Variants in SND1 observed in about 807,000 individuals in gnomAD.
SND1 encodes the protein staphylococcal nuclease domain-containing protein 1.
Under a neutral mutation model 121.7 loss-of-function variants are expected in SND1, and 38 were observed. The ratio of observed to expected loss-of-function variants is 0.31; its 90% CI spans 0.24 to 0.41. The LOEUF (loss-of-function observed/expected upper bound fraction) is 0.41. SND1 is among the 10% of genes least tolerant of loss of function. SND1 has a pLI of 1.00. For missense variants in SND1, 868 were observed against 1,184.6 expected, an observed-to-expected ratio of 0.73 and a Z score of 3.92; for synonymous variants, 401 against 447.4, an observed-to-expected ratio of 0.90 and a Z score of 1.31.
At chr7:128,068,604 G>A (rs1352980080) in intron 16 of SND1, among the ~76,000 whole-genome samples, 1 of 152,218 alleles carries the variant, frequency 6.6e-6, no homozygotes, top group Non-Finnish European at 1.5e-5. Flanking sequence ...CACTGAGACT[G>A]CTCAGAAAGG....
intron 16 of SND1, among the ~76,000 whole-genome samples, chr7:128,020,470 C>A (rs919999600): frequency 1.9e-4 from 29 of 152,300 alleles, no homozygotes; most frequent in Non-Finnish European, 4.4e-5. Context: ...CTATGTGACA[C>A]CTGGGCAAGG....
rs771650470 is a variant in SND1 at position 128,029,575 on chromosome 7, T to C, written c.1779+38519T>C. ...ATGTTGAGGTCTCGAGGTGCGTCCATGATGAAGGGGGCAGAGCACTGGAAG... is the reference window on the plus strand; with the variant it reads ...ATGTTGAGGTCTCGAGGTGCGTCCACGATGAAGGGGGCAGAGCACTGGAAG... On this transcript the variant is annotated intron_variant, in intron 16 of 23. Coordinates refer to ENST00000354725, the MANE Select transcript of SND1 (RefSeq NM_014390.4). This position sits in a 1 kb window ranked among gnomAD's most constrained non-coding sequence, Gnocchi z 4.2. The C allele has an allele frequency of 1.9e-6, 3 of 1,613,858 alleles. No individual in the cohort carries two copies. Among genetic ancestry groups the C allele is most frequent in the Non-Finnish European group, 1.7e-6 (2 of 1,179,982 alleles).
chr7:127,998,957 C>A (rs955832510), intron 16 of SND1: 3 of 152,262 alleles, frequency 2.0e-5, no homozygotes, highest in African/African-American at 7.2e-5. Context: ...TTGACTGTTT[C>A]CCTATTCCTC....
intron 16 of SND1, among the ~76,000 whole-genome samples, chr7:128,003,721 T>G (rs1802892001): frequency 6.6e-6 from 1 of 152,242 alleles, no homozygotes; most frequent in African/African-American, 2.4e-5. Context: ...GATATGGATT[T>G]TTGGCCTGGC....
At chr7:127,890,747 TAA>T (rs1799996375) in intron 13 of SND1, among the ~76,000 whole-genome samples, 1 of 152,182 alleles carries the variant, frequency 6.6e-6, no homozygotes, top group South Asian at 2.1e-4. Context: ...TGAAATTTTT[TAA>T]GTTTTAGGTT....
chr7:127,707,755 A>T, intron 9 of SND1, 108 bp downstream of exon 9: 1 of 759,016 alleles, frequency 1.3e-6, no homozygotes, highest in Non-Finnish European at 2.2e-6. Flanking sequence ...ATTTCAAGGC[A>T]AGCCAGTAGG....
chr7:128,035,064 G>A (rs999466421), intron 16 of SND1, among the ~76,000 whole-genome samples: 2 of 152,216 alleles, frequency 1.3e-5, no homozygotes, highest in East Asian at 1.9e-4. Context: ...ACGCCAGAGA[G>A]AGCTAAAAAA....
At chr7:127,875,180 A>G (rs1201450464) in intron 12 of SND1, among the ~76,000 whole-genome samples, 1 of 152,086 alleles carries the variant, frequency 6.6e-6, no homozygotes, top group Non-Finnish European at 1.5e-5. Context: ...GTCAGTTATT[A>G]CTTTGTTTTC....
At chr7:127,863,905 CT>C (rs1360569047) in intron 12 of SND1, among the ~76,000 whole-genome samples, 7 of 152,266 alleles carry the variant, frequency 4.6e-5, no homozygotes, top group African/African-American at 1.7e-4. Flanking sequence ...TTGCCTGCCC[CT>C]GTCCTAGGTT....
At chr7:127,781,002 T>A (rs1193649111) in intron 10 of SND1, among the ~76,000 whole-genome samples, 1 of 152,182 alleles carries the variant, frequency 6.6e-6, no homozygotes, top group Non-Finnish European at 1.5e-5. Flanking sequence ...GCCTAGTCAG[T>A]GAGAAAGATG....
intron 16 of SND1, chr7:127,999,642 A>T (rs1452880795): frequency 1.3e-5 from 2 of 152,156 alleles, no homozygotes; most frequent in African/African-American, 4.8e-5. Flanking sequence ...AAGCTGGATG[A>T]TGAGGATAGT....
At chr7:128,031,719 GGGCGGGCGCGGGTCCGGCGGCGGC>G (rs1407616502) in intron 16 of SND1, 2 of 145,738 alleles carry the variant, frequency 1.4e-5, no homozygotes, top group Non-Finnish European at 3.0e-5. Context: ...GAGAGTCCGG[GGGCGGGCGCGGGTCCGGCGGCGGC>G]GGCGGCCGCA....
intron 11 of SND1, among the ~76,000 whole-genome samples, chr7:127,832,038 A>T (rs755061738): frequency 5.3e-5 from 8 of 152,194 alleles, no homozygotes; most frequent in Admixed American, 5.2e-4. Flanking sequence ...CTCTTTGGAC[A>T]TCTTTCCATA....
At chr7:127,975,590 T>C (rs141597352) in intron 15 of SND1, among the ~76,000 whole-genome samples, 1 of 152,060 alleles carries the variant, frequency 6.6e-6, no homozygotes, top group East Asian at 1.9e-4. Context: ...TAAGATATGG[T>C]GGAGAGGGAA....
Position 127,952,416 on chromosome 7 carries a change from G to T in SND1, c.1669+23087G>T, listed in dbSNP as rs1276414080. On this transcript the variant is annotated intron_variant, in intron 15 of 23. Transcript: ENST00000354725. ...TAGAGATCATCACTATTTCCAAAGG[G>T]CAGGCAACAACCACAGAGGATGCAA... is the stretch of plus-strand genomic sequence containing the variant. Among the ~76,000 whole-genome samples, 4 of 152,154 alleles carry T rather than the reference G, an allele frequency of 2.6e-5. No homozygotes were observed. In the South Asian group the frequency reaches 6.2e-4, roughly 24 times the overall value.
intron 4 of SND1, among the ~76,000 whole-genome samples, chr7:127,700,793 G>A (rs530370528): frequency 2.6e-5 from 4 of 152,214 alleles, no homozygotes; most frequent in Non-Finnish European, 4.4e-5. Context: ...CTGCACTACC[G>A]AGCTGTGCCT....
rs1276161022 is a variant in SND1 at position 128,063,045 on chromosome 7, G to C, written c.1780-11457G>C. On this transcript the variant is annotated intron_variant, in intron 16 of 23. Coordinates refer to ENST00000354725, the MANE Select transcript of SND1 (RefSeq NM_014390.4). ...GGCTTCACGCTAGACAGTGGTCTGG[G>C]CTCCGGGGGTCCAGGCTTCATGGCA... Among the ~76,000 whole-genome samples, 8 of 152,256 alleles carry C rather than the reference G, an allele frequency of 5.3e-5. No individual in the cohort carries two copies. The East Asian group carries it at 1.5e-3, about 29-fold the overall frequency.
chr7:128,040,669 C>G (rs1792839316), intron 16 of SND1, among the ~76,000 whole-genome samples: 1 of 152,214 alleles, frequency 6.6e-6, no homozygotes, highest in East Asian at 1.9e-4. Flanking sequence ...CAGTTTGGAA[C>G]TTTCTCCATG....
intron 2 of SND1, among the ~76,000 whole-genome samples, chr7:127,692,211 G>C (rs1424908155): frequency 6.6e-6 from 1 of 152,206 alleles, no homozygotes; most frequent in Non-Finnish European, 1.5e-5. Flanking sequence ...TCAAAGAGAA[G>C]ATTAGAATTA....
Sources: gnomAD v4.1 joint callset for allele counts (sites outside exome capture counted in the v4.1 genomes callset) on GRCh38, gnomAD v4.1.1 for gene constraint, Gnocchi (gnomAD v3.1) non-coding constraint, MANE v1.5 for transcripts, NCBI Gene and HGNC (gene_info 2026-07-23, HGNC 2026-07-21) for gene names.